The following UBL7 variants were observed in gnomAD, a reference collection of about 807,000 sequenced individuals.
UBL7 encodes the protein ubiquitin like 7, also known as ubiquitin-like protein 7.
Under a neutral mutation model 41.7 loss-of-function variants are expected in UBL7, and 21 were observed. The observed-to-expected ratio is 0.50, with a 90% confidence interval of 0.36 to 0.73. UBL7 has a LOEUF of 0.73. UBL7 is among the 30% of genes least tolerant of loss of function. The pLI, the probability that UBL7 is intolerant of heterozygous loss-of-function variation, is 0.00. For synonymous variants in UBL7, 157 were observed against 186.9 expected (o/e 0.84, Z 1.31); for missense variants, 403 against 478.4 (o/e 0.84, Z 1.47).
At chr15:74,449,796 G>A (rs1343995190) in intron 7 of UBL7, 121 bp from the exon 8 acceptor site, 1 of 1,541,238 alleles carries the variant, frequency 6.5e-7, no homozygotes, top group East Asian at 2.3e-5. Flanking sequence ...AAAATTACAG[G>A]ACAGATGCAC....
In UBL7 at chr15:74,452,499, C is replaced by T. The variant is rs1194275151; in HGVS notation, c.305-121G>A. The T allele has an allele frequency of 5.2e-6, 5 of 966,550 alleles. No individual in the cohort carries two copies. In the African/African-American group the frequency reaches 8.1e-5, roughly 16 times the overall value. The allele number at this position is 966,550 out of a possible 1,614,324, so 59.9% of individuals were successfully genotyped here. ...TGGTCTGTGCATTCCCTTCCCTCAT[C>T]ACCCCTTAAGAATGTGAGTGCCTGC... is the stretch of plus-strand genomic sequence containing the variant. On this transcript the variant is annotated intron_variant, in intron 3 of 10. Transcript: ENST00000395081.
chr15:74,451,032 C>G (rs1185954944), intron 5 of UBL7, among the ~76,000 whole-genome samples, 173 bp from the exon 6 acceptor site: 1 of 152,210 alleles, frequency 6.6e-6, no homozygotes, highest in Non-Finnish European at 1.5e-5. Context: ...TACTCCTCAT[C>G]TTGGTCTAGT....
chr15:74,455,378 AG>A (rs1230225969), intron 3 of UBL7, among the ~76,000 whole-genome samples: 1 of 152,234 alleles, frequency 6.6e-6, no homozygotes, highest in Non-Finnish European at 1.5e-5. Context: ...TAAACCAAAA[AG>A]GCATCTGAGG....
At chr15:74,447,352 C>T (rs1385211500) in intron 10 of UBL7, among the ~76,000 whole-genome samples, 1 of 152,206 alleles carries the variant, frequency 6.6e-6, no homozygotes, top group Non-Finnish European at 1.5e-5. Context: ...CTGTGAACTA[C>T]AATGCTGGCC....
Position 74,449,587 on chromosome 15 carries a change from C to A in UBL7, c.714+39G>T, listed in dbSNP as rs61184870. 7.2e-4 allele frequency: 1,154 copies of A among 1,613,968 alleles called. 9 individuals carry two copies. In the African/African-American group the frequency reaches 0.014, roughly 19 times the overall value. On this transcript the variant is annotated intron_variant, in intron 8 of 10. Coordinates refer to ENST00000395081, the MANE Select transcript of UBL7 (RefSeq NM_032907.5). Reference sequence around the variant, plus strand: ...AGCTCATTCCCAGCACCATCTCCCCCACATGTCAGCATGTCAGGCAGGCAG... The same window carrying A: ...AGCTCATTCCCAGCACCATCTCCCCAACATGTCAGCATGTCAGGCAGGCAG...
rs1451799453 is a variant in UBL7 at position 74,449,285 on chromosome 15, A to G, written c.783T>C (p.Ala261=). 1 of 1,613,776 alleles carries G rather than the reference A, an allele frequency of 6.2e-7. No homozygotes were observed. Among genetic ancestry groups the G allele is most frequent in the Admixed American group, 1.7e-5 (1 of 59,986 alleles). ...TCTGGGTGATGGGCCGGGGCCCAGC[A>G]GCTCCACTGTACCCCAGGGAGGCTG... The part of the protein sequence containing the change: ...SRPASLGYSG[A]AGPRPITQSE... The change falls in exon 9 of 11, where the codon GCT becomes GCC. Residue 261 remains alanine (A), a synonymous_variant. Coordinates refer to ENST00000395081, the MANE Select transcript of UBL7 (RefSeq NM_032907.5).
rs201710274 is a variant in UBL7, at chr15:74,451,477, A to T, written c.431T>A (p.Ile144Asn). 8 of 1,614,122 alleles carry T rather than the reference A, an allele frequency of 5.0e-6. No homozygotes were observed. Among genetic ancestry groups the T allele is most frequent in the Non-Finnish European group, 6.8e-6 (8 of 1,180,034 alleles). ...LSNKESLDQI[I>N]VATPGLSSDP... ...ACTGCTGAGGCCTGGGGTGGCCACA[A>T]TGATCTGATCCAGAGACTCCTTATT... Residue 144 changes from isoleucine (I) to asparagine (N), a missense_variant, in exon 5 of 11, where the codon ATT becomes AAT. Coordinates refer to ENST00000395081, the MANE Select transcript of UBL7 (RefSeq NM_032907.5).
rs370445306 is a variant in UBL7, at chr15:74,446,753, A to G, written c.1006-526T>C. Among the ~76,000 whole-genome samples, 17 of 152,220 alleles carry G rather than the reference A, an allele frequency of 1.1e-4. 1 individual carries two copies. The highest frequency in any genetic ancestry group is 9.2e-4 in the Admixed American group (14 of 15,286). Reference sequence around the variant, plus strand: ...TTAAATTTTTCGCTTTTACAAACCCAAAATGCATAACTTTTATTTAATGGC... The same window carrying G: ...TTAAATTTTTCGCTTTTACAAACCCGAAATGCATAACTTTTATTTAATGGC... On this transcript the variant is annotated intron_variant, in intron 10 of 10. Transcript: ENST00000395081. This position sits in a 1 kb window ranked among gnomAD's most constrained non-coding sequence, Gnocchi z 4.1.
chr15:74,451,263 A>G (rs1360542793), intron 5 of UBL7, among the ~76,000 whole-genome samples, 173 bp downstream of exon 5: 2 of 152,128 alleles, frequency 1.3e-5, no homozygotes, highest in Non-Finnish European at 2.9e-5. Flanking sequence ...TCTCTGTGGG[A>G]CTGAGAGCTC....
intron 7 of UBL7, 25 bp from the exon 8 acceptor site, chr15:74,449,700 G>A (rs1252846239): frequency 6.2e-7 from 1 of 1,614,098 alleles, no homozygotes; most frequent in Non-Finnish European, 8.5e-7. Context: ...ACAGATTTCA[G>A]GAGGAAGAAC....
intron 2 of UBL7, among the ~76,000 whole-genome samples, chr15:74,457,798 T>G (rs1596221008): frequency 6.6e-6 from 1 of 150,714 alleles, no homozygotes; most frequent in Non-Finnish European, 1.5e-5. Flanking sequence ...CTCTGGAGTT[T>G]AACATTGTGG....
intron 2 of UBL7, among the ~76,000 whole-genome samples, chr15:74,457,624 T>G (rs11852291): frequency 6.8e-6 from 1 of 146,724 alleles, no homozygotes; most frequent in African/African-American, 2.5e-5. Context: ...GTAATCCCAG[T>G]TATTCAGGAG....
chr15:74,456,619 A>G lies in UBL7; in HGVS notation c.237T>C (p.Tyr79=), dbSNP rs1360268188. The part of the protein sequence containing the change: ...KLKDDQTLDF[Y]GIQPGSTVHV... Reference sequence around the variant, plus strand: ...GGACAGTGGACCCAGGTTGAATGCCATAGAAGTCAAGTGTCTGGTCATCTT... The same window carrying G: ...GGACAGTGGACCCAGGTTGAATGCCGTAGAAGTCAAGTGTCTGGTCATCTT... Residue 79 remains tyrosine, a synonymous_variant, in exon 3 of 11, where the codon TAT becomes TAC. Transcript: ENST00000395081. 15 of 1,614,070 alleles carry G rather than the reference A, an allele frequency of 9.3e-6. No homozygotes were observed. The highest frequency in any genetic ancestry group is 1.3e-5 in the African/African-American group (1 of 74,928).
chr15:74,459,270 A>G (rs1373011875), intron 1 of UBL7, among the ~76,000 whole-genome samples: 2 of 151,222 alleles, frequency 1.3e-5, no homozygotes, highest in African/African-American at 4.9e-5. Flanking sequence ...TCCCTATCAA[A>G]TATCTATGCT....
At chr15:74,452,548 G>T (rs1192649372) in intron 3 of UBL7, among the ~76,000 whole-genome samples, 170 bp from the exon 4 acceptor site, 1 of 152,192 alleles carries the variant, frequency 6.6e-6, no homozygotes, top group African/African-American at 2.4e-5. Flanking sequence ...TTTGTGCCAT[G>T]GATGTGAAAA....
intron 3 of UBL7, among the ~76,000 whole-genome samples, chr15:74,455,006 A>G (rs78087925): frequency 0.024 from 3,607 of 152,268 alleles, 144 homozygotes; most frequent in African/African-American, 0.082. Context: ...GTCTTAATCC[A>G]TAGTGGTCTC....
chr15:74,448,222 G>T (rs1481190288), intron 10 of UBL7, among the ~76,000 whole-genome samples: 9 of 152,206 alleles, frequency 5.9e-5, no homozygotes, highest in Admixed American at 5.9e-4. Flanking sequence ...GAATGAAATG[G>T]CCATGATTAT....
At chr15:74,454,183 A>T (rs969965710) in intron 3 of UBL7, among the ~76,000 whole-genome samples, 2 of 152,080 alleles carry the variant, frequency 1.3e-5, no homozygotes, top group Non-Finnish European at 2.9e-5. Flanking sequence ...GCTGTTACCT[A>T]CCCTGCAGGG....
intron 1 of UBL7, chr15:74,460,606 C>T (rs1307089431): frequency 9.4e-7 from 1 of 1,063,602 alleles, no homozygotes; most frequent in Non-Finnish European, 1.2e-6. Context: ...CCTCCTCCAC[C>T]CCAATTCTTG....
Sources: allele counts gnomAD v4.1 joint callset (sites outside exome capture counted in the v4.1 genomes callset), GRCh38; gene constraint gnomAD v4.1.1; non-coding constraint Gnocchi (gnomAD v3.1); transcripts MANE v1.5; gene names NCBI Gene and HGNC (gene_info 2026-07-23, HGNC 2026-07-21).